Variants in CTNNA3 observed in about 807,000 individuals in gnomAD.
The protein encoded by CTNNA3 is catenin alpha-3.
CTNNA3 carries 76 observed loss-of-function variants against 95.7 expected under a neutral mutation model. That is an observed-to-expected ratio of 0.79 (90% CI 0.66 to 0.96). The LOEUF is 0.96. Among genes scored for constraint, CTNNA3 ranks in the 40% least tolerant of loss-of-function variants. The pLI is 0.00. For synonymous variants in CTNNA3, 431 were observed against 374.4 expected (o/e 1.15, Z -1.74); for missense variants, 1,191 against 1,089.8 (o/e 1.09, Z -1.31).
chr10:66,763,307 AACACACACAC>A (rs138081667), intron 9 of CTNNA3, among the ~76,000 whole-genome samples: 4 of 145,222 alleles, frequency 2.8e-5, no homozygotes, highest in African/African-American at 7.7e-5. Flanking sequence ...TCATGAGATA[AACACACACAC>A]ACACACACAC....
intron 1 of CTNNA3, among the ~76,000 whole-genome samples, chr10:67,688,605 T>C (rs1840781929): frequency 6.6e-6 from 1 of 152,182 alleles, no homozygotes. Flanking sequence ...GGCCAGGCCA[T>C]AGTGCAGAAA....
At position 67,312,306 on chromosome 10, in the gene CTNNA3, C is replaced by T. The variant is rs575148412; in HGVS notation, c.580-92436G>A. Among the ~76,000 whole-genome samples the T allele has an allele frequency of 4.4e-3, 671 of 152,278 alleles. 3 individuals are homozygous for T. Among genetic ancestry groups the T allele is most frequent in the Non-Finnish European group, 5.9e-3 (403 of 68,014 alleles). On this transcript the variant is annotated intron_variant, in intron 5 of 17. Transcript: ENST00000433211. Reference sequence around the variant, plus strand: ...CAGGCTGGTCTTGAACTCCTGACCTCATGATCTGCCTGCCTTGGCCTCCCA... The same window carrying T: ...CAGGCTGGTCTTGAACTCCTGACCTTATGATCTGCCTGCCTTGGCCTCCCA...
intron 8 of CTNNA3, among the ~76,000 whole-genome samples, chr10:66,772,820 G>A (rs1352025157): frequency 6.6e-6 from 1 of 152,136 alleles, no homozygotes; most frequent in African/African-American, 2.4e-5. Context: ...GAAAGGCCAT[G>A]GTTAAGAAAG....
At chr10:67,171,213 T>C (rs1052067089) in intron 7 of CTNNA3, among the ~76,000 whole-genome samples, 1 of 152,222 alleles carries the variant, frequency 6.6e-6, no homozygotes, top group Non-Finnish European at 1.5e-5. Context: ...TTAAATGGTT[T>C]TCAGGCATTT....
chr10:65,955,944 A>G (rs530903501), intron 17 of CTNNA3, among the ~76,000 whole-genome samples: 1 of 152,228 alleles, frequency 6.6e-6, no homozygotes, highest in South Asian at 2.1e-4. Context: ...CATTGATTGG[A>G]ATAGTTTCAG....
intron 13 of CTNNA3, among the ~76,000 whole-genome samples, chr10:66,166,480 C>G (rs1589612772): frequency 8.4e-6 from 1 of 119,496 alleles, no homozygotes; most frequent in African/African-American, 3.3e-5. Flanking sequence ...TCCTGGGGGA[C>G]AGAGTGACAG....
chr10:67,394,095 T>A (rs1427194969), intron 5 of CTNNA3, among the ~76,000 whole-genome samples: 1 of 152,188 alleles, frequency 6.6e-6, no homozygotes, highest in East Asian at 1.9e-4. Context: ...ATATATGGAC[T>A]AACTTAATTA....
Position 67,046,648 on chromosome 10 carries a change from A to C in CTNNA3, c.1047+133669T>G, listed in dbSNP as rs187668899. Reference sequence around the variant, plus strand: ...GAAAAAAAAATGTAATTTCAGCAGAAAAGATTGGAAGCATGGTACTAGGGA... The same window carrying C: ...GAAAAAAAAATGTAATTTCAGCAGACAAGATTGGAAGCATGGTACTAGGGA... On this transcript the variant is annotated intron_variant, in intron 7 of 17. Coordinates refer to ENST00000433211, the MANE Select transcript of CTNNA3 (RefSeq NM_013266.4). 3.3e-5 allele frequency among the ~76,000 whole-genome samples: 5 copies of C among 152,368 alleles called. No individual in the cohort carries two copies. In the East Asian group the frequency reaches 9.6e-4, roughly 29 times the overall value.
intron 11 of CTNNA3, among the ~76,000 whole-genome samples, chr10:66,420,415 G>A (rs557679813): frequency 3.3e-5 from 5 of 151,984 alleles, no homozygotes; most frequent in African/African-American, 7.2e-5. Context: ...TATTAAAAAC[G>A]CAGTAAAATA....
intron 11 of CTNNA3, among the ~76,000 whole-genome samples, chr10:66,385,587 T>C (rs2092883367): frequency 6.6e-6 from 1 of 152,158 alleles, no homozygotes; most frequent in African/African-American, 2.4e-5. Flanking sequence ...CCTAACTCAT[T>C]TTATGAGGCC....
intron 12 of CTNNA3, among the ~76,000 whole-genome samples, chr10:66,318,290 G>A (rs1344412097): frequency 2.0e-5 from 3 of 151,432 alleles, no homozygotes; most frequent in Non-Finnish European, 4.4e-5. Flanking sequence ...GTGTGTGTGT[G>A]TGTGTGTGTG....
intron 17 of CTNNA3, among the ~76,000 whole-genome samples, chr10:65,929,934 G>T (rs2133137606): frequency 6.6e-6 from 1 of 151,950 alleles, no homozygotes; most frequent in South Asian, 2.1e-4. Flanking sequence ...TGAGGATTTT[G>T]GTGGAATAAA....
At chr10:66,829,692 GAAA>G (rs140759441) in intron 7 of CTNNA3, among the ~76,000 whole-genome samples, 114 of 145,466 alleles carry the variant, frequency 7.8e-4, no homozygotes, top group Middle Eastern at 3.7e-3. Context: ...TAACATTTTG[GAAA>G]AAAAAAAAAA....
chr10:66,130,083 A>T (rs550450827), intron 13 of CTNNA3, among the ~76,000 whole-genome samples: 16 of 152,216 alleles, frequency 1.1e-4, no homozygotes, highest in African/African-American at 3.9e-4. Context: ...TAAACTAGGC[A>T]CACAGAACAG....
rs561942435 is a variant in CTNNA3, at chr10:66,102,066, A to G, written c.1977+1091T>C. ...CTTGAAATGTTTCTGCAGAGCTTGT[A>G]TAACAATATGTCTACAAAAACAGAG... On this transcript the variant is annotated intron_variant, in intron 14 of 17. Coordinates refer to ENST00000433211, the MANE Select transcript of CTNNA3 (RefSeq NM_013266.4). 3.7e-4 allele frequency among the ~76,000 whole-genome samples: 56 copies of G among 152,280 alleles called. 1 individual carries two copies. In the South Asian group the frequency reaches 0.012, roughly 32 times the overall value.
intron 11 of CTNNA3, among the ~76,000 whole-genome samples, chr10:66,503,793 G>A (rs72791588): frequency 0.16 from 24,755 of 151,988 alleles, 2,133 homozygotes; most frequent in African/African-American, 0.19. Context: ...TATGTTCCAC[G>A]TAGTCTCTAA....
At chr10:67,425,148 C>A (rs1341374349) in intron 5 of CTNNA3, among the ~76,000 whole-genome samples, 1 of 152,012 alleles carries the variant, frequency 6.6e-6, no homozygotes, top group African/African-American at 2.4e-5. Flanking sequence ...AACAACATAG[C>A]AAAACTAAAA....
intron 5 of CTNNA3, among the ~76,000 whole-genome samples, chr10:67,247,332 C>T (rs1359315545): frequency 6.6e-6 from 1 of 152,026 alleles, no homozygotes; most frequent in Non-Finnish European, 1.5e-5. Flanking sequence ...GATCAATAGG[C>T]AAAAATCAGT....
chr10:66,360,813 C>CT (rs1564897300), intron 12 of CTNNA3, among the ~76,000 whole-genome samples: 2,132 of 62,176 alleles, frequency 0.034, 67 homozygotes, highest in African/African-American at 0.075. Flanking sequence ...TCCTTCCTTC[C>CT]TTCCTTTCTT....
Sources: gnomAD v4.1 joint callset for allele counts (sites outside exome capture counted in the v4.1 genomes callset) on GRCh38, gnomAD v4.1.1 for gene constraint, MANE v1.5 for transcripts, NCBI Gene and HGNC (gene_info 2026-07-23, HGNC 2026-07-21) for gene names.